The following YY1AP1 variants were observed in gnomAD, a reference collection of about 807,000 sequenced individuals.
The protein encoded by YY1AP1 is YY1-associated protein 1.
YY1AP1 carries 43 observed loss-of-function variants against 39.9 expected under a neutral mutation model. The ratio of observed to expected loss-of-function variants is 1.08; its 90% CI spans 0.84 to 1.39. The LOEUF (loss-of-function observed/expected upper bound fraction) is 1.39. Ranked by LOEUF, YY1AP1 falls within the 40% of genes most tolerant of loss-of-function variation. The pLI is 0.00. For missense variants in YY1AP1, 813 were observed against 900.7 expected (o/e 0.90, Z 1.25); for synonymous variants, 292 against 331.3 (o/e 0.88, Z 1.29).
At chr1:155,665,992 T>C (rs1409449034) in intron 9 of YY1AP1, among the ~76,000 whole-genome samples, 4 of 151,858 alleles carry the variant, frequency 2.6e-5, no homozygotes, top group Admixed American at 6.6e-5. Flanking sequence ...TTCTTCAAGA[T>C]GAAAGTGACA....
intron 9 of YY1AP1, among the ~76,000 whole-genome samples, chr1:155,664,125 GAAAAAA>G (rs749401754): frequency 1.5e-5 from 2 of 129,534 alleles, no homozygotes; most frequent in African/African-American, 2.8e-5. Context: ...CCCTGTCTCG[GAAAAAA>G]AAAAAAAAAG....
intron 1 of YY1AP1, 65 bp downstream of exon 1, chr1:155,688,594 C>A: frequency 1.3e-6 from 2 of 1,536,242 alleles, no homozygotes; most frequent in South Asian, 1.2e-5. Context: ...GGAACCTCCT[C>A]GCCCAGTTCT....
At chr1:155,681,900 G>T (rs1195982863) in intron 2 of YY1AP1, among the ~76,000 whole-genome samples, 1 of 147,766 alleles carries the variant, frequency 6.8e-6, no homozygotes, top group Non-Finnish European at 1.5e-5. Flanking sequence ...GCCCAGGCTG[G>T]TCTTGAACTC....
At chr1:155,675,911 CA>C (rs1164551724) in intron 5 of YY1AP1, among the ~76,000 whole-genome samples, 1 of 152,130 alleles carries the variant, frequency 6.6e-6, no homozygotes, top group Non-Finnish European at 1.5e-5. Context: ...AACCTCTAAA[CA>C]GAGGAGGAAC....
intron 8 of YY1AP1, 55 bp from the exon 9 acceptor site, chr1:155,668,832 GC>G (rs1649442563): frequency 6.2e-7 from 1 of 1,612,062 alleles, no homozygotes; most frequent in Non-Finnish European, 8.5e-7. Context: ...CTTCTAAAGG[GC>G]CTCCCCAGAC....
At position 155,688,771 on chromosome 1, in the gene YY1AP1, C is replaced by T. The variant is rs1172588278; in HGVS notation, c.-264G>A. ...AGCAGCCGCCGCCAGCACCCCCACC[C>T]TACACTCCTCGCGCGTGCGCCTCCC... is the stretch of plus-strand genomic sequence containing the variant. On this transcript the variant is annotated 5_prime_UTR_variant, in exon 1 of 11. Transcript: ENST00000355499. 3.3e-6 allele frequency: 5 copies of T among 1,534,404 alleles called. No homozygotes were observed. Among genetic ancestry groups the T allele is most frequent in the Admixed American group, 2.0e-5 (1 of 49,032 alleles).
intron 9 of YY1AP1, among the ~76,000 whole-genome samples, chr1:155,664,075 C>A (rs1317256242): frequency 1.3e-5 from 2 of 148,504 alleles, no homozygotes; most frequent in Non-Finnish European, 3.0e-5. Flanking sequence ...ACCAGTGAGC[C>A]ATGATTTAGC....
chr1:155,687,577 T>C (rs1652648803), intron 2 of YY1AP1, among the ~76,000 whole-genome samples: 1 of 143,252 alleles, frequency 7.0e-6, no homozygotes, highest in South Asian at 2.1e-4. Flanking sequence ...ACCAAAAACA[T>C]CTCTTTCCAT....
rs1647699537 is a variant in YY1AP1 at position 155,659,561 on chromosome 1, G to A, written c.*96C>T. 1.4e-6 allele frequency: 2 copies of A among 1,394,018 alleles called. No homozygotes were observed. Among genetic ancestry groups the A allele is most frequent in the Non-Finnish European group, 2.0e-6 (2 of 1,020,380 alleles). 86.4% of individuals were successfully genotyped at this position (1,394,018 alleles called of 1,614,324 possible). A position where few individuals can be genotyped will look rare whatever the true frequency, so the allele number is the denominator to read the frequency against. ...CCCAGTTGCAAAATCTGGGGTTTAAGTACCCTTTAGGGGTTTCCTATTGGT... is the reference window on the plus strand; with the variant it reads ...CCCAGTTGCAAAATCTGGGGTTTAAATACCCTTTAGGGGTTTCCTATTGGT... On this transcript the variant is annotated 3_prime_UTR_variant, in exon 11 of 11. Coordinates refer to ENST00000355499, the MANE Select transcript of YY1AP1 (RefSeq NM_139119.3).
In YY1AP1 at chr1:155,688,301, C is replaced by A. The variant is rs574585167; in HGVS notation, c.-151-100G>T. 3.3e-5 allele frequency: 51 copies of A among 1,567,894 alleles called. No homozygotes were observed. Among genetic ancestry groups the A allele is most frequent in the South Asian group, 8.1e-5 (7 of 86,560 alleles). Reference sequence around the variant, plus strand: ...AACCGACACTGGGATCGTTTCCCCTCGCAAAGCGAACCCAAAATGGCGGCG... The same window carrying A: ...AACCGACACTGGGATCGTTTCCCCTAGCAAAGCGAACCCAAAATGGCGGCG... On this transcript the variant is annotated intron_variant, in intron 1 of 10. Coordinates refer to ENST00000355499, the MANE Select transcript of YY1AP1 (RefSeq NM_139119.3).
At chr1:155,679,666 C>T (rs894075886) in intron 3 of YY1AP1, 154 bp from the exon 4 acceptor site, 11 of 985,300 alleles carry the variant, frequency 1.1e-5, no homozygotes, top group African/African-American at 3.5e-5. Context: ...TTCAGGACTC[C>T]TACAAACCCA....
At position 155,668,762 on chromosome 1, in the gene YY1AP1, T is replaced by C. The variant is rs1438501766; in HGVS notation, c.744A>G (p.Gly248=). The C allele has an allele frequency of 1.2e-6, 2 of 1,614,064 alleles. No individual in the cohort carries two copies. The highest frequency in any genetic ancestry group is 2.2e-5 in the East Asian group (1 of 44,892). Residue 248 remains glycine, a synonymous_variant, in exon 9 of 11, where the codon GGA becomes GGG. Transcript: ENST00000355499. ...TKAEDNLLAL[G]LKHFEGTEFL... ...ACTCAGTCCCTTCAAAATGCTTCAG[T>C]CCTAAAGCTAACAAACTGAGAAAGG...
rs201580131 is a variant in YY1AP1, at chr1:155,660,718, G to A, written c.1192C>T (p.Arg398Cys). 294 of 1,614,214 alleles carry A rather than the reference G, an allele frequency of 1.8e-4. No individual in the cohort carries two copies. Among genetic ancestry groups the A allele is most frequent in the Admixed American group, 2.2e-4 (13 of 60,026 alleles). Reference protein sequence around the residue: ...VVLKLKPVADRFPKKAWRQKR... With the variant: ...VVLKLKPVADCFPKKAWRQKR... ...TGTCTCCAAGCCTTCTTGGGGAAAC[G>A]GTCGGCAACTGGCTTCAGTTTCAGG... Residue 398 changes from arginine to cysteine, a missense_variant, in exon 11 of 11, where the codon CGT becomes TGT. Coordinates refer to ENST00000355499, the MANE Select transcript of YY1AP1 (RefSeq NM_139119.3).
At chr1:155,667,977 CAT>C (rs562853419) in intron 9 of YY1AP1, among the ~76,000 whole-genome samples, 53 of 151,738 alleles carry the variant, frequency 3.5e-4, no homozygotes, top group African/African-American at 1.1e-3. Flanking sequence ...CACACACACA[CAT>C]ACATGCATAC....
intron 8 of YY1AP1, 42 bp from the exon 9 acceptor site, chr1:155,668,819 T>G (rs984949990): frequency 3.0e-5 from 49 of 1,613,724 alleles, no homozygotes; most frequent in Non-Finnish European, 4.2e-5. Context: ...TTCACAGTCC[T>G]TCCTTCTAAA....
chr1:155,688,183 C>T lies in YY1AP1; in HGVS notation c.-133G>A. ...CGGATCCCTCCCGCTTGTCAGGAGG[C>T]GGCCAGCGGGTAAGCCGACTGGCGG... On this transcript the variant is annotated 5_prime_UTR_variant, in exon 2 of 11. Transcript: ENST00000355499. 1 of 1,613,916 alleles carries T rather than the reference C, an allele frequency of 6.2e-7. No homozygotes were observed. The highest frequency in any genetic ancestry group is 8.5e-7 in the Non-Finnish European group (1 of 1,179,966).
At position 155,688,653 on chromosome 1, in the gene YY1AP1, G is replaced by C. The variant is rs1653108127; in HGVS notation, c.-152+6C>G. ...AGCCGGCTCCAGCGCAGGCCCTCACGCGTACCTTCAGCGGCGCGAGCCCAA... is the reference window on the plus strand; with the variant it reads ...AGCCGGCTCCAGCGCAGGCCCTCACCCGTACCTTCAGCGGCGCGAGCCCAA... On this transcript the variant is annotated splice_donor_region_variant and intron_variant, in intron 1 of 10. Coordinates refer to ENST00000355499, the MANE Select transcript of YY1AP1 (RefSeq NM_139119.3). 3 of 1,533,950 alleles carry C rather than the reference G, an allele frequency of 2.0e-6. No homozygotes were observed. Among genetic ancestry groups the C allele is most frequent in the Non-Finnish European group, 1.7e-6 (2 of 1,146,442 alleles).
chr1:155,680,370 GA>G (rs1375229472), intron 3 of YY1AP1, 45 bp downstream of exon 3: 9 of 1,609,286 alleles, frequency 5.6e-6, no homozygotes, highest in African/African-American at 1.3e-5. Context: ...TTTTGTTGGA[GA>G]ACCAACTTAC....
At chr1:155,668,470 T>C (rs574316044) in intron 9 of YY1AP1, among the ~76,000 whole-genome samples, 157 bp downstream of exon 9, 2 of 152,224 alleles carry the variant, frequency 1.3e-5, no homozygotes, top group African/African-American at 2.4e-5. Context: ...AATGAATCAA[T>C]GTCCCTGAAA....
Sources: allele counts gnomAD v4.1 joint callset (sites outside exome capture counted in the v4.1 genomes callset), GRCh38; gene constraint gnomAD v4.1.1; transcripts MANE v1.5; gene names NCBI Gene and HGNC (gene_info 2026-07-23, HGNC 2026-07-21).